Variants in GRIN2A observed in about 807,000 individuals in gnomAD.
The protein encoded by GRIN2A is glutamate ionotropic receptor NMDA type subunit 2A, also known as glutamate receptor ionotropic, NMDA 2A.
A neutral mutation model predicts 113.4 loss-of-function variants in GRIN2A; 22 were observed. That is an observed-to-expected ratio of 0.19 (90% CI 0.14 to 0.28). The LOEUF (loss-of-function observed/expected upper bound fraction) is 0.28, where lower values mean the gene tolerates loss of function less well. Ranked by LOEUF, GRIN2A falls within the 10% of genes least tolerant of loss-of-function variation. GRIN2A has a pLI of 1.00. For missense variants in GRIN2A, 1,502 were observed against 1,887.0 expected, an observed-to-expected ratio of 0.80 and a Z score of 3.78; for synonymous variants, 827 against 738.4, an observed-to-expected ratio of 1.12 and a Z score of -1.94.
At chr16:9,909,482 C>A (rs2044092143) in intron 3 of GRIN2A, among the ~76,000 whole-genome samples, 2 of 152,204 alleles carry the variant, frequency 1.3e-5, no homozygotes, top group African/African-American at 4.8e-5. Context: ...CATTGAGCAA[C>A]TGAAATGTGG....
chr16:10,111,837 C>G, intron 2 of GRIN2A: 1 of 1,149,262 alleles, frequency 8.7e-7, no homozygotes, highest in Non-Finnish European at 1.3e-6. Context: ...CCATGGGGAG[C>G]AAGTTGGTGG....
At chr16:9,879,659 A>G (rs968594383) in intron 4 of GRIN2A, among the ~76,000 whole-genome samples, 4 of 152,156 alleles carry the variant, frequency 2.6e-5, no homozygotes, top group Admixed American at 2.0e-4. Context: ...GAGTGCAGAC[A>G]ATTGGGTTCC....
intron 2 of GRIN2A, among the ~76,000 whole-genome samples, chr16:10,075,350 T>C (rs2047848695): frequency 6.6e-6 from 1 of 152,124 alleles, no homozygotes; most frequent in African/African-American, 2.4e-5. Context: ...CACAAAAAGA[T>C]AAATTTGTAT....
chr16:9,937,597 G>T (rs1290198864), intron 3 of GRIN2A: 1 of 271,746 alleles, frequency 3.7e-6, no homozygotes, highest in African/African-American at 2.3e-5. Flanking sequence ...AGTGAAGAAT[G>T]TGATGAGGGC....
intron 2 of GRIN2A, among the ~76,000 whole-genome samples, chr16:9,957,357 C>A (rs2045332018): frequency 6.6e-6 from 1 of 152,186 alleles, no homozygotes; most frequent in African/African-American, 2.4e-5. Context: ...CACTGTGGGA[C>A]ACAGCCACTC....
intron 3 of GRIN2A, among the ~76,000 whole-genome samples, chr16:9,928,494 C>T (rs1286419868): frequency 3.3e-5 from 5 of 152,124 alleles, no homozygotes; most frequent in East Asian, 3.9e-4. Context: ...TTGCCCAAAT[C>T]GTGTCCAGAA....
At chr16:9,917,659 T>A (rs1034036319) in intron 3 of GRIN2A, among the ~76,000 whole-genome samples, 3 of 152,240 alleles carry the variant, frequency 2.0e-5, no homozygotes, top group Non-Finnish European at 4.4e-5. Flanking sequence ...TATGTTAACA[T>A]CTCACTCTTA....
At chr16:10,002,903 G>C (rs1244449191) in intron 2 of GRIN2A, among the ~76,000 whole-genome samples, 2 of 152,182 alleles carry the variant, frequency 1.3e-5, no homozygotes, top group African/African-American at 4.8e-5. Context: ...GCCTTTAGGA[G>C]AAAGGCAATT....
intron 2 of GRIN2A, among the ~76,000 whole-genome samples, chr16:10,157,282 G>A (rs2049717831): frequency 6.6e-6 from 1 of 152,094 alleles, no homozygotes; most frequent in Non-Finnish European, 1.5e-5. Context: ...ACTTAGATGA[G>A]ACACAAAATA....
chr16:10,146,087 G>T (rs1430601192), intron 2 of GRIN2A, among the ~76,000 whole-genome samples: 1 of 152,138 alleles, frequency 6.6e-6, no homozygotes, highest in Non-Finnish European at 1.5e-5. Flanking sequence ...GAACAAGATG[G>T]GAGCACGGAT....
chr16:9,835,373 T>C (rs1168475157), intron 7 of GRIN2A, among the ~76,000 whole-genome samples: 1 of 152,164 alleles, frequency 6.6e-6, no homozygotes, highest in Non-Finnish European at 1.5e-5. Context: ...GCAGGCCAAG[T>C]CATAAGGCTC....
intron 2 of GRIN2A, among the ~76,000 whole-genome samples, chr16:10,062,441 A>G: frequency 6.6e-6 from 1 of 152,226 alleles, no homozygotes; most frequent in East Asian, 1.9e-4. Flanking sequence ...ACCTTTCTAG[A>G]AATGCAAATT....
At chr16:9,899,447 A>G (rs2043874016) in intron 3 of GRIN2A, among the ~76,000 whole-genome samples, 1 of 148,196 alleles carries the variant, frequency 6.7e-6, no homozygotes, top group South Asian at 2.1e-4. Context: ...TCTCAAAAAA[A>G]AAAAAAAAAA....
chr16:10,105,375 T>A (rs373942278), intron 2 of GRIN2A, among the ~76,000 whole-genome samples: 16 of 152,288 alleles, frequency 1.1e-4, no homozygotes, highest in African/African-American at 3.6e-4. Context: ...AACAGTCACA[T>A]CTGGCCAAGA....
chr16:9,868,391 C>T (rs1250880961), intron 4 of GRIN2A, among the ~76,000 whole-genome samples: 1 of 152,122 alleles, frequency 6.6e-6, no homozygotes. Context: ...CTCAGCCTCC[C>T]AAGTAGCTGG....
intron 3 of GRIN2A, among the ~76,000 whole-genome samples, chr16:9,903,694 C>T (rs1289349601): frequency 2.0e-5 from 3 of 152,212 alleles, no homozygotes; most frequent in Non-Finnish European, 2.9e-5. Context: ...AGGTTAGACG[C>T]ATCCTCTTCC....
chr16:9,977,567 G>A (rs1228896981), intron 2 of GRIN2A, among the ~76,000 whole-genome samples: 2 of 152,150 alleles, frequency 1.3e-5, no homozygotes, highest in Non-Finnish European at 1.5e-5. Context: ...TGTATACAGC[G>A]TACCACCCAC....
At chr16:9,991,593 CCT>C (rs1383026020) in intron 2 of GRIN2A, among the ~76,000 whole-genome samples, 1 of 152,100 alleles carries the variant, frequency 6.6e-6, no homozygotes, top group African/African-American at 2.4e-5. Flanking sequence ...ATTATGCCAC[CCT>C]CTGTGTCCAT....
At chr16:9,806,888 T>G (rs952393651) in intron 10 of GRIN2A, among the ~76,000 whole-genome samples, 1 of 152,032 alleles carries the variant, frequency 6.6e-6, no homozygotes, top group Non-Finnish European at 1.5e-5. Context: ...GCTCTCATAA[T>G]TCCCACCTGT....
Sources: gnomAD v4.1 joint callset for allele counts (sites outside exome capture counted in the v4.1 genomes callset) on GRCh38, gnomAD v4.1.1 for gene constraint, MANE v1.5 for transcripts, NCBI Gene and HGNC (gene_info 2026-07-23, HGNC 2026-07-21) for gene names.